Variants in RCSD1 observed in about 807,000 individuals in gnomAD.
The protein encoded by RCSD1 is RCSD domain containing 1, also known as capZ-interacting protein.
RCSD1 carries 26 observed loss-of-function variants against 42.5 expected under a neutral mutation model. The observed-to-expected ratio is 0.61, with a 90% CI of 0.45 to 0.85. The LOEUF is 0.85. Ranked by LOEUF, RCSD1 falls within the 40% of genes least tolerant of loss-of-function variation. The probability of loss-of-function intolerance (pLI) is 0.00; values close to 1 mark genes in which losing one functional copy is unlikely to be tolerated. For missense variants in RCSD1, 571 were observed against 528.3 expected (o/e 1.08, Z -0.79); for synonymous variants, 220 against 212.2 (o/e 1.04, Z -0.32).
chr1:167,706,337 A>G lies in RCSD1; in HGVS notation c.*1641A>G, dbSNP rs1295315071. 1 of 152,148 alleles carries G rather than the reference A, an allele frequency of 6.6e-6. No individual in the cohort carries two copies. The highest frequency in any genetic ancestry group is 2.4e-5 in the African/African-American group (1 of 41,440). 9.4% of individuals were successfully genotyped at this position (152,148 alleles called of 1,614,324 possible). On this transcript the variant is annotated 3_prime_UTR_variant, in exon 7 of 7. Coordinates refer to ENST00000367854, the MANE Select transcript of RCSD1 (RefSeq NM_052862.4). ...CTTGCTATCAATCTAGCTACCATCC[A>G]TTTATTGACAGAGAAGTCTACCCCT...
chr1:167,677,079 G>GC (rs2102226682), intron 1 of RCSD1, among the ~76,000 whole-genome samples: 1 of 152,244 alleles, frequency 6.6e-6, no homozygotes, highest in South Asian at 2.1e-4. Flanking sequence ...GGACTTTTTT[G>GC]GTTCTGTGTG....
intron 1 of RCSD1, among the ~76,000 whole-genome samples, chr1:167,657,538 G>C (rs909162649): frequency 3.3e-5 from 5 of 152,166 alleles, no homozygotes; most frequent in African/African-American, 1.2e-4. Context: ...CCTAAAAACA[G>C]CTTCAAGGTG....
chr1:167,662,647 T>G (rs1215779555), intron 1 of RCSD1, among the ~76,000 whole-genome samples: 2 of 152,224 alleles, frequency 1.3e-5, no homozygotes, highest in Non-Finnish European at 2.9e-5. Context: ...TAATTTGGAA[T>G]AAAAGGACCG....
intron 6 of RCSD1, among the ~76,000 whole-genome samples, chr1:167,698,938 C>T (rs978218736): frequency 1.1e-4 from 16 of 152,016 alleles, no homozygotes; most frequent in Non-Finnish European, 1.9e-4. Flanking sequence ...TAGCTGGGAC[C>T]ACAGGCGCCC....
intron 1 of RCSD1, among the ~76,000 whole-genome samples, chr1:167,653,264 C>G (rs1434503931): frequency 6.6e-6 from 1 of 152,198 alleles, no homozygotes; most frequent in Non-Finnish European, 1.5e-5. Context: ...TAGTTGCTTT[C>G]TGGTGTTTAT....
intron 1 of RCSD1, among the ~76,000 whole-genome samples, chr1:167,662,968 G>C (rs1658572060): frequency 6.6e-6 from 1 of 152,200 alleles, no homozygotes; most frequent in South Asian, 2.1e-4. Flanking sequence ...GAGCAAGCCA[G>C]CAGCGTGGGT....
In RCSD1 at chr1:167,685,405, G is replaced by A. The variant is rs1221344175; in HGVS notation, c.109-16G>A. On this transcript the variant is annotated splice_polypyrimidine_tract_variant and intron_variant, in intron 2 of 6. Transcript: ENST00000367854. Reference sequence around the variant, plus strand: ...TCTCTTTTTCTCTGTGTGTCTGTCTGTCGCCCTCCCTCCAGACACCAGCCA... The same window carrying A: ...TCTCTTTTTCTCTGTGTGTCTGTCTATCGCCCTCCCTCCAGACACCAGCCA... 6.2e-7 allele frequency: 1 copy of A among 1,608,290 alleles called. No individual in the cohort carries two copies. Among genetic ancestry groups the A allele is most frequent in the Admixed American group, 1.7e-5 (1 of 59,782 alleles).
At chr1:167,678,234 T>C (rs1658996787) in intron 1 of RCSD1, among the ~76,000 whole-genome samples, 1 of 152,162 alleles carries the variant, frequency 6.6e-6, no homozygotes, top group Non-Finnish European at 1.5e-5. Flanking sequence ...AGCTAGTGAC[T>C]CTCCAAGTTT....
chr1:167,701,252 GTT>G (rs1276194168), intron 6 of RCSD1, among the ~76,000 whole-genome samples: 7 of 96,140 alleles, frequency 7.3e-5, no homozygotes, highest in African/African-American at 2.5e-4. Context: ...CAATTGCCTA[GTT>G]TCTTTCTTTC....
intron 1 of RCSD1, among the ~76,000 whole-genome samples, chr1:167,636,234 C>T (rs1288267166): frequency 6.6e-6 from 1 of 152,190 alleles, no homozygotes; most frequent in African/African-American, 2.4e-5. Context: ...CAGTGCAATT[C>T]CAAATCCCAA....
chr1:167,675,396 T>G (rs1218595859), intron 1 of RCSD1, among the ~76,000 whole-genome samples: 3 of 152,092 alleles, frequency 2.0e-5, no homozygotes, highest in Non-Finnish European at 1.5e-5. Context: ...CTCCCCTTTA[T>G]AAAACCATCA....
intron 6 of RCSD1, among the ~76,000 whole-genome samples, chr1:167,700,112 G>A (rs766855898): frequency 1.3e-5 from 2 of 152,194 alleles, no homozygotes; most frequent in Non-Finnish European, 2.9e-5. Context: ...AATCTTTGTT[G>A]AGTGAATGAA....
intron 3 of RCSD1, among the ~76,000 whole-genome samples, chr1:167,688,344 G>A (rs184341923): frequency 6.6e-6 from 1 of 152,130 alleles, no homozygotes; most frequent in Non-Finnish European, 1.5e-5. Flanking sequence ...GTTTCTAAAA[G>A]TTTCTCTGAA....
At chr1:167,659,260 T>C (rs1273437051) in intron 1 of RCSD1, among the ~76,000 whole-genome samples, 5 of 152,218 alleles carry the variant, frequency 3.3e-5, no homozygotes, top group African/African-American at 4.8e-5. Context: ...TTCCTGTCAT[T>C]ATGCGAGAGT....
chr1:167,645,324 T>C (rs1571673432), intron 1 of RCSD1, among the ~76,000 whole-genome samples: 2 of 152,226 alleles, frequency 1.3e-5, no homozygotes, highest in East Asian at 3.8e-4. Flanking sequence ...TCCACAAATA[T>C]TTATTGGGCC....
chr1:167,703,584 T>C (rs1659691338), intron 6 of RCSD1, among the ~76,000 whole-genome samples: 1 of 152,184 alleles, frequency 6.6e-6, no homozygotes, highest in East Asian at 1.9e-4. Context: ...TACACATCAG[T>C]GACAAATGCC....
At chr1:167,680,871 G>A (rs185925022) in intron 1 of RCSD1, among the ~76,000 whole-genome samples, 119 of 152,364 alleles carry the variant, frequency 7.8e-4, no homozygotes, top group Non-Finnish European at 1.2e-3. Context: ...GGTGTCTCAG[G>A]AAAGTCTGGG....
rs754658742 is a variant in RCSD1 at position 167,685,441 on chromosome 1, C to A, written c.129C>A (p.Thr43=). 1.2e-6 allele frequency: 2 copies of A among 1,613,698 alleles called. No homozygotes were observed. Among genetic ancestry groups the A allele is most frequent in the African/African-American group, 2.7e-5 (2 of 74,872 alleles). Residue 43 remains threonine, a synonymous_variant, in exon 3 of 7, where the codon ACC becomes ACA. Coordinates refer to ENST00000367854, the MANE Select transcript of RCSD1 (RefSeq NM_052862.4). ...AAKETPASKP[T]RRKPPCSLPL... ...TCCAGACACCAGCCAGTAAACCAACCCGAAGGAAACCGCCCTGTTCCCTCC... is the reference window on the plus strand; with the variant it reads ...TCCAGACACCAGCCAGTAAACCAACACGAAGGAAACCGCCCTGTTCCCTCC...
intron 1 of RCSD1, among the ~76,000 whole-genome samples, chr1:167,653,905 A>C (rs988436310): frequency 2.0e-5 from 3 of 152,218 alleles, no homozygotes; most frequent in African/African-American, 7.2e-5. Flanking sequence ...TAATAGGTTC[A>C]GAAGGCTGCA....
Sources: allele counts gnomAD v4.1 joint callset (sites outside exome capture counted in the v4.1 genomes callset), GRCh38; gene constraint gnomAD v4.1.1; transcripts MANE v1.5; gene names NCBI Gene and HGNC (gene_info 2026-07-23, HGNC 2026-07-21).